Variants in ENOX1 observed in about 807,000 individuals in gnomAD.
The protein encoded by ENOX1 is ecto-NOX disulfide-thiol exchanger 1.
A neutral mutation model predicts 82.5 loss-of-function variants in ENOX1; 42 were observed. That is an observed-to-expected ratio of 0.51 (90% CI 0.40 to 0.66). ENOX1 has a LOEUF of 0.66. Among genes scored for constraint, ENOX1 ranks in the 30% least tolerant of loss-of-function variants. The pLI is 0.00. For synonymous variants in ENOX1, 271 were observed against 282.2 expected (o/e 0.96, Z 0.40); for missense variants, 608 against 811.6 (o/e 0.75, Z 3.05).
intron 14 of ENOX1, among the ~76,000 whole-genome samples, chr13:43,255,763 G>A (rs767050242): frequency 3.3e-5 from 5 of 152,096 alleles, no homozygotes; most frequent in Non-Finnish European, 7.4e-5. Flanking sequence ...TGAAGAAATT[G>A]AAGATTACAC....
At chr13:43,516,072 C>G (rs1467061535) in intron 2 of ENOX1, among the ~76,000 whole-genome samples, 1 of 152,108 alleles carries the variant, frequency 6.6e-6, no homozygotes, top group East Asian at 1.9e-4. Context: ...ATTTTCTGCC[C>G]TAAGTATCTA....
At chr13:43,216,446 C>T (rs998780402) in intron 16 of ENOX1, among the ~76,000 whole-genome samples, 1 of 152,192 alleles carries the variant, frequency 6.6e-6, no homozygotes, top group African/African-American at 2.4e-5. Context: ...GAAAATGACA[C>T]TATTATCTAA....
intron 2 of ENOX1, among the ~76,000 whole-genome samples, chr13:43,513,813 A>G (rs2077461347): frequency 6.6e-6 from 1 of 152,184 alleles, no homozygotes; most frequent in Non-Finnish European, 1.5e-5. Flanking sequence ...CCTTTCAGGA[A>G]AAGTTAACCC....
At chr13:43,427,890 G>C (rs1472004649) in intron 3 of ENOX1, among the ~76,000 whole-genome samples, 1 of 152,154 alleles carries the variant, frequency 6.6e-6, no homozygotes, top group African/African-American at 2.4e-5. Flanking sequence ...AACCCTGCTA[G>C]ACATCTGCTT....
At chr13:43,380,544 T>G (rs1469152768) in intron 5 of ENOX1, among the ~76,000 whole-genome samples, 1 of 151,612 alleles carries the variant, frequency 6.6e-6, no homozygotes, top group East Asian at 1.9e-4. Context: ...AAGATTGATT[T>G]TAACCCAATC....
At chr13:43,239,803 A>G (rs2042727575) in intron 14 of ENOX1, among the ~76,000 whole-genome samples, 1 of 152,268 alleles carries the variant, frequency 6.6e-6, no homozygotes, top group Non-Finnish European at 1.5e-5. Flanking sequence ...TTAGACAGCC[A>G]CATTATATGT....
chr13:43,677,155 T>C (rs1431570818), intron 1 of ENOX1, among the ~76,000 whole-genome samples: 1 of 152,060 alleles, frequency 6.6e-6, no homozygotes, highest in Admixed American at 6.6e-5. Flanking sequence ...GGGAGTGTAG[T>C]CAATGAGATT....
At chr13:43,360,618 T>G (rs935871414) in intron 6 of ENOX1, among the ~76,000 whole-genome samples, 2 of 151,624 alleles carry the variant, frequency 1.3e-5, no homozygotes, top group African/African-American at 4.9e-5. Context: ...CAATGTACAC[T>G]CTCACAATAT....
intron 5 of ENOX1, among the ~76,000 whole-genome samples, chr13:43,369,133 T>C (rs2051046796): frequency 6.6e-6 from 1 of 152,210 alleles, no homozygotes; most frequent in African/African-American, 2.4e-5. Flanking sequence ...TCAGTACTCC[T>C]GGGTTCCTGT....
chr13:43,447,611 T>C (rs1025360594), intron 3 of ENOX1, among the ~76,000 whole-genome samples: 1 of 152,012 alleles, frequency 6.6e-6, no homozygotes, highest in South Asian at 2.1e-4. Flanking sequence ...CTCATTCATA[T>C]GCAAAAGCAG....
At chr13:43,341,184 C>G (rs957361230) in intron 9 of ENOX1, among the ~76,000 whole-genome samples, 2 of 151,950 alleles carry the variant, frequency 1.3e-5, no homozygotes, top group Non-Finnish European at 2.9e-5. Context: ...GTAGTCCCAG[C>G]TACTCGGGAG....
chr13:43,315,733 G>A (rs796964765), intron 11 of ENOX1, among the ~76,000 whole-genome samples: 4 of 152,128 alleles, frequency 2.6e-5, no homozygotes, highest in African/African-American at 9.7e-5. Context: ...CTGCTAAGAC[G>A]TTAGGTTGCT....
chr13:43,249,361 C>T (rs1360050792), intron 14 of ENOX1, among the ~76,000 whole-genome samples: 1 of 152,174 alleles, frequency 6.6e-6, no homozygotes, highest in Non-Finnish European at 1.5e-5. Flanking sequence ...CAAGTCCACG[C>T]CCTTCACAGT....
At chr13:43,621,116 C>T (rs2082709404) in intron 2 of ENOX1, among the ~76,000 whole-genome samples, 2 of 152,102 alleles carry the variant, frequency 1.3e-5, no homozygotes, top group African/African-American at 4.8e-5. Context: ...CACTCCTTTA[C>T]TTAAGTTTAT....
At chr13:43,737,257 C>T (rs536365323) in intron 1 of ENOX1, among the ~76,000 whole-genome samples, 98 of 152,310 alleles carry the variant, frequency 6.4e-4, no homozygotes, top group South Asian at 1.5e-3. Context: ...CTGCCACTTC[C>T]GGACTGAATG....
chr13:43,373,169 T>TAA (rs72056475), intron 5 of ENOX1, among the ~76,000 whole-genome samples: 2 of 145,384 alleles, frequency 1.4e-5, no homozygotes, highest in Non-Finnish European at 3.0e-5. Context: ...GTCCTTCCTT[T>TAA]AAAAAAAAAA....
intron 1 of ENOX1, among the ~76,000 whole-genome samples, chr13:43,771,397 T>C (rs1951593875): frequency 1.3e-5 from 2 of 152,162 alleles, no homozygotes; most frequent in African/African-American, 4.8e-5. Context: ...AGCCTTATTC[T>C]AGTCACTCCA....
intron 14 of ENOX1, among the ~76,000 whole-genome samples, chr13:43,249,078 A>T (rs1423163374): frequency 6.6e-6 from 1 of 152,172 alleles, no homozygotes; most frequent in African/African-American, 2.4e-5. Flanking sequence ...CACCATGCTT[A>T]AATTGTGGTC....
intron 12 of ENOX1, among the ~76,000 whole-genome samples, chr13:43,275,386 A>ATC (rs1051179835): frequency 6.6e-6 from 1 of 152,232 alleles, no homozygotes; most frequent in African/African-American, 2.4e-5. Flanking sequence ...TATGAAATAC[A>ATC]TCAGCCACAT....
Sources: gnomAD v4.1 joint callset for allele counts (sites outside exome capture counted in the v4.1 genomes callset) on GRCh38, gnomAD v4.1.1 for gene constraint, MANE v1.5 for transcripts, NCBI Gene and HGNC (gene_info 2026-07-23, HGNC 2026-07-21) for gene names.